Variants in UHRF2 observed in about 807,000 individuals in gnomAD.
UHRF2 encodes ubiquitin like with PHD and ring finger domains 2.
UHRF2 carries 23 observed loss-of-function variants against 96.8 expected under a neutral mutation model. That is an observed-to-expected ratio of 0.24 (90% confidence interval 0.17 to 0.34). The LOEUF (loss-of-function observed/expected upper bound fraction) is 0.34, where lower values mean the gene tolerates loss of function less well. Among genes scored for constraint, UHRF2 ranks in the 10% least tolerant of loss-of-function variants. UHRF2 has a pLI of 1.00. For missense variants in UHRF2, 685 were observed against 981.5 expected, an observed-to-expected ratio of 0.70 and a Z score of 4.04; for synonymous variants, 385 against 332.6, an observed-to-expected ratio of 1.16 and a Z score of -1.72.
At chr9:6,450,717 C>T (rs776529957) in intron 3 of UHRF2, among the ~76,000 whole-genome samples, 9 of 152,142 alleles carry the variant, frequency 5.9e-5, no homozygotes, top group Non-Finnish European at 1.0e-4. Flanking sequence ...CCAGTTGTTA[C>T]TTTGATGCTT....
At chr9:6,456,988 C>T (rs373643276) in intron 3 of UHRF2, among the ~76,000 whole-genome samples, 3 of 152,246 alleles carry the variant, frequency 2.0e-5, no homozygotes, top group South Asian at 2.1e-4. Context: ...CTTGGCTATA[C>T]GGGCTCTTTT....
At chr9:6,494,085 C>T (rs1161401643) in intron 10 of UHRF2, 153 bp downstream of exon 10, 4 of 626,562 alleles carry the variant, frequency 6.4e-6, no homozygotes, top group Non-Finnish European at 1.1e-5. Flanking sequence ...AATTGTTTTT[C>T]AGCATCCTAA....
intron 13 of UHRF2, 147 bp from the exon 14 acceptor site, chr9:6,500,405 G>A: frequency 1.6e-6 from 1 of 632,828 alleles, no homozygotes; most frequent in African/African-American, 1.9e-5. Flanking sequence ...GGAAATAACA[G>A]TATCCTAAAT....
At chr9:6,435,624 A>G (rs1820798530) in intron 3 of UHRF2, among the ~76,000 whole-genome samples, 1 of 152,034 alleles carries the variant, frequency 6.6e-6, no homozygotes, top group Non-Finnish European at 1.5e-5. Context: ...TTATTTATTT[A>G]GAGACAGAGT....
chr9:6,453,042 AAT>A (rs903009518), intron 3 of UHRF2, among the ~76,000 whole-genome samples: 2 of 152,136 alleles, frequency 1.3e-5, no homozygotes, highest in African/African-American at 4.8e-5. Context: ...AGAATTTAAA[AAT>A]GTATGCTTCA....
Position 6,414,664 on chromosome 9 carries a change from A to G in UHRF2, c.153+1021A>G, listed in dbSNP as rs867335030. Among the ~76,000 whole-genome samples the G allele has an allele frequency of 3.3e-5, 5 of 152,226 alleles. No homozygotes were observed. The South Asian group carries it at 8.3e-4, about 25-fold the overall frequency. On this transcript the variant is annotated intron_variant, in intron 1 of 15. Transcript: ENST00000276893. ...TTTGGCTCCAATCCTGTGGTTTTAAATAAGTGTAGCTCTTTGATTTGGTAG... is the reference window on the plus strand; with the variant it reads ...TTTGGCTCCAATCCTGTGGTTTTAAGTAAGTGTAGCTCTTTGATTTGGTAG...
chr9:6,463,173 C>G (rs756191330), intron 4 of UHRF2, among the ~76,000 whole-genome samples: 2 of 151,528 alleles, frequency 1.3e-5, no homozygotes, highest in African/African-American at 2.4e-5. Flanking sequence ...CCCAGCTACT[C>G]GAAAGGCTGA....
chr9:6,465,236 A>C (rs916135227), intron 4 of UHRF2, among the ~76,000 whole-genome samples: 4 of 152,184 alleles, frequency 2.6e-5, no homozygotes, highest in Non-Finnish European at 5.9e-5. Flanking sequence ...TTGGTTTGAC[A>C]GTGTTTTGTG....
chr9:6,506,223 A>G lies in UHRF2; in HGVS notation c.*44A>G, dbSNP rs1164590994. ...GTTGTTCATGGTGGCTTTTTGGACA[A>G]TAAAGAATCTAAAATGGGTGGGGAG... On this transcript the variant is annotated 3_prime_UTR_variant, in exon 16 of 16. Transcript: ENST00000276893. 3.1e-6 allele frequency: 5 copies of G among 1,605,664 alleles called. No homozygotes were observed. Among genetic ancestry groups the G allele is most frequent in the African/African-American group, 1.3e-5 (1 of 74,630 alleles).
intron 3 of UHRF2, among the ~76,000 whole-genome samples, chr9:6,434,725 C>T (rs955189782): frequency 1.3e-5 from 2 of 152,118 alleles, no homozygotes; most frequent in African/African-American, 4.8e-5. Context: ...AGGGGTGAGC[C>T]ACTGCGCCTG....
chr9:6,487,870 G>A (rs1024280573), intron 9 of UHRF2, among the ~76,000 whole-genome samples: 6 of 152,170 alleles, frequency 3.9e-5, no homozygotes, highest in Admixed American at 3.9e-4. Context: ...TGGTTCCAGT[G>A]TTAAATCTAT....
At chr9:6,502,198 C>G (rs1207612560) in intron 14 of UHRF2, among the ~76,000 whole-genome samples, 2 of 152,200 alleles carry the variant, frequency 1.3e-5, no homozygotes, top group Non-Finnish European at 2.9e-5. Context: ...GCCCTGTGAT[C>G]AGCAGCCCTA....
intron 15 of UHRF2, 108 bp downstream of exon 15, chr9:6,504,799 C>T (rs1042662647): frequency 4.0e-6 from 3 of 759,308 alleles, no homozygotes; most frequent in East Asian, 3.0e-5. Context: ...GGGATAGTTG[C>T]GGAACCTTCT....
chr9:6,464,753 C>T (rs1400962394), intron 4 of UHRF2, among the ~76,000 whole-genome samples: 3 of 152,124 alleles, frequency 2.0e-5, no homozygotes, highest in Non-Finnish European at 4.4e-5. Context: ...CTATTCTGTA[C>T]CATGGGTCTG....
Position 6,475,643 on chromosome 9 carries a change from G to T in UHRF2, c.973+143G>T, listed in dbSNP as rs191381753. ...TTTCAAGACAACAGTTTTGATCTAAGATTCATTTTGTTTTAATGAATTTTT... is the reference window on the plus strand; with the variant it reads ...TTTCAAGACAACAGTTTTGATCTAATATTCATTTTGTTTTAATGAATTTTT... On this transcript the variant is annotated intron_variant, in intron 5 of 15. Transcript: ENST00000276893. 272 of 382,222 alleles carry T rather than the reference G, an allele frequency of 7.1e-4. 1 individual carries two copies. Among genetic ancestry groups the T allele is most frequent in the Non-Finnish European group, 9.5e-4 (203 of 214,500 alleles). 23.7% of individuals were successfully genotyped at this position (382,222 alleles called of 1,614,324 possible).
chr9:6,435,364 G>T lies in UHRF2; in HGVS notation c.644+1191G>T, dbSNP rs572437268. Among the ~76,000 whole-genome samples, 39 of 152,290 alleles carry T rather than the reference G, an allele frequency of 2.6e-4. 1 individual carries two copies. The highest frequency in any genetic ancestry group is 7.7e-4 in the African/African-American group (32 of 41,566). ...TGGTGTTGAACTCCTGGGCTCAAGT[G>T]ATCCTCCCACCTCAGCCTTCCTGAG... On this transcript the variant is annotated intron_variant, in intron 3 of 15. Transcript: ENST00000276893.
intron 2 of UHRF2, among the ~76,000 whole-genome samples, chr9:6,431,708 A>G (rs899148121): frequency 6.6e-6 from 1 of 152,312 alleles, no homozygotes; most frequent in African/African-American, 2.4e-5. Context: ...AGGTTGATTT[A>G]GGTGTCTGTT....
chr9:6,503,796 G>A (rs1816432196), intron 14 of UHRF2, among the ~76,000 whole-genome samples: 2 of 151,970 alleles, frequency 1.3e-5, no homozygotes, highest in Admixed American at 1.3e-4. Context: ...GAGACACGTT[G>A]CCCATGATTT....
chr9:6,434,329 T>G (rs112348823), intron 3 of UHRF2, 156 bp downstream of exon 3: 1 of 835,564 alleles, frequency 1.2e-6, no homozygotes. Flanking sequence ...TACTCTAATT[T>G]AAAGGTCCTT....
Sources: allele counts gnomAD v4.1 joint callset (sites outside exome capture counted in the v4.1 genomes callset), GRCh38; gene constraint gnomAD v4.1.1; transcripts MANE v1.5; gene names NCBI Gene and HGNC (gene_info 2026-07-23, HGNC 2026-07-21).